The following DKK3 variants were observed in gnomAD, a reference collection of about 807,000 sequenced individuals.
The protein encoded by DKK3 is dickkopf Wnt signaling pathway inhibitor 3, also known as dickkopf-related protein 3.
A neutral mutation model predicts 33.2 loss-of-function variants in DKK3; 22 were observed. The observed-to-expected ratio is 0.66, with a 90% confidence interval of 0.47 to 0.95. The LOEUF (loss-of-function observed/expected upper bound fraction) is 0.95. Among genes scored for constraint, DKK3 ranks in the 40% least tolerant of loss-of-function variants. The pLI, the probability that DKK3 is intolerant of heterozygous loss-of-function variation, is 0.00. For missense variants in DKK3, 398 were observed against 458.4 expected (o/e 0.87, Z 1.20); for synonymous variants, 194 against 188.8 (o/e 1.03, Z -0.23).
chr11:12,000,365 C>T (rs958870338), intron 2 of DKK3, among the ~76,000 whole-genome samples: 1 of 152,124 alleles, frequency 6.6e-6, no homozygotes, highest in South Asian at 2.1e-4. Context: ...TGCCACCATG[C>T]CCAGCTAATT....
At chr11:11,984,087 G>A (rs1268948652) in intron 3 of DKK3, among the ~76,000 whole-genome samples, 2 of 152,154 alleles carry the variant, frequency 1.3e-5, no homozygotes, top group African/African-American at 4.8e-5. Context: ...GTCCCAGTGT[G>A]GACACTGGCC....
At chr11:11,994,397 G>A (rs1053073023) in intron 3 of DKK3, among the ~76,000 whole-genome samples, 5 of 152,056 alleles carry the variant, frequency 3.3e-5, no homozygotes, top group African/African-American at 1.2e-4. Flanking sequence ...ACCGAGGTCT[G>A]CATCTCACCT....
chr11:11,965,562 C>CTCATGAAGCT (rs1847568976), intron 6 of DKK3, among the ~76,000 whole-genome samples: 1 of 152,196 alleles, frequency 6.6e-6, no homozygotes, highest in Non-Finnish European at 1.5e-5. Flanking sequence ...GGACCATCCA[C>CTCATGAAGCT]TCATGAAGCT....
chr11:11,967,148 C>A (rs778448060), intron 4 of DKK3, 50 bp from the exon 5 acceptor site: 11 of 1,593,996 alleles, frequency 6.9e-6, no homozygotes, highest in East Asian at 4.5e-5. Flanking sequence ...GGACTGGGGG[C>A]CTGCTGAGAG....
chr11:12,004,000 G>A (rs968095621), intron 1 of DKK3, among the ~76,000 whole-genome samples: 1 of 152,198 alleles, frequency 6.6e-6, no homozygotes, highest in African/African-American at 2.4e-5. Flanking sequence ...GATGGCTGCT[G>A]AGATGTTTGA....
At chr11:11,991,378 T>C (rs1269062542) in intron 3 of DKK3, among the ~76,000 whole-genome samples, 1 of 152,206 alleles carries the variant, frequency 6.6e-6, no homozygotes, top group Non-Finnish European at 1.5e-5. Context: ...AGATCCCTTA[T>C]GAGTGGCTTG....
intron 3 of DKK3, among the ~76,000 whole-genome samples, chr11:11,992,281 A>G (rs1276230932): frequency 2.6e-5 from 4 of 152,214 alleles, no homozygotes; most frequent in Non-Finnish European, 5.9e-5. Flanking sequence ...CCCATTTTAC[A>G]TATGGGAAAA....
At chr11:11,966,295 G>C (rs765644886) in intron 5 of DKK3, among the ~76,000 whole-genome samples, 1 of 152,174 alleles carries the variant, frequency 6.6e-6, no homozygotes, top group African/African-American at 2.4e-5. Context: ...GAGCTCAGTG[G>C]AAAATGTCAG....
At position 11,964,677 on chromosome 11, in the gene DKK3, C is replaced by T; in HGVS notation, c.840G>A (p.Leu280=). The part of the protein sequence containing the change: ...GLLCQPHSHS[L]VYVCKPTFVG... ...CGAAGGTCGGCTTGCACACATACAC[C>T]AGGCTGTGGCTGGGGAGAGATGGGA... Residue 280 remains leucine (L), a synonymous_variant, in exon 7 of 7, where the codon CTG becomes CTA. Transcript: ENST00000683431. 1 of 1,613,700 alleles carries T rather than the reference C, an allele frequency of 6.2e-7. No homozygotes were observed. The highest frequency in any genetic ancestry group is 8.5e-7 in the Non-Finnish European group (1 of 1,179,904).
chr11:12,006,991 C>T (rs1306472822), intron 1 of DKK3, among the ~76,000 whole-genome samples: 1 of 152,148 alleles, frequency 6.6e-6, no homozygotes, highest in African/African-American at 2.4e-5. Flanking sequence ...ATCCCTTCAC[C>T]CTTTAATTGC....
intron 1 of DKK3, among the ~76,000 whole-genome samples, chr11:12,003,038 C>T (rs1848462085): frequency 6.6e-6 from 1 of 152,236 alleles, no homozygotes; most frequent in African/African-American, 2.4e-5. Context: ...CGTAGTCTCC[C>T]TCTAAGGCCT....
At chr11:11,984,584 C>A (rs190445200) in intron 3 of DKK3, among the ~76,000 whole-genome samples, 24 of 151,706 alleles carry the variant, frequency 1.6e-4, no homozygotes, top group African/African-American at 5.6e-4. Context: ...AGCTGAACAA[C>A]CACTGCTTCA....
At chr11:11,984,426 A>G (rs1848021437) in intron 3 of DKK3, among the ~76,000 whole-genome samples, 1 of 132,694 alleles carries the variant, frequency 7.5e-6, no homozygotes, top group South Asian at 2.9e-4. Flanking sequence ...TGCTATTGGT[A>G]CGAAGTACTG....
chr11:11,974,066 C>T (rs1436021755), intron 3 of DKK3, among the ~76,000 whole-genome samples: 1 of 152,254 alleles, frequency 6.6e-6, no homozygotes, highest in Non-Finnish European at 1.5e-5. Context: ...TGGATGCCTC[C>T]AGGGCCAGGG....
chr11:11,988,051 A>G (rs1848108072), intron 3 of DKK3, among the ~76,000 whole-genome samples: 2 of 152,238 alleles, frequency 1.3e-5, no homozygotes, highest in Admixed American at 1.3e-4. Flanking sequence ...CTTTTCACAG[A>G]GCAGCAACCA....
intron 3 of DKK3, among the ~76,000 whole-genome samples, chr11:11,973,192 T>C (rs1389906245): frequency 6.6e-6 from 1 of 152,208 alleles, no homozygotes; most frequent in Non-Finnish European, 1.5e-5. Context: ...CTAGTCTCCT[T>C]GACATAGTCC....
chr11:11,976,878 C>A (rs1338110736), intron 3 of DKK3, among the ~76,000 whole-genome samples: 1 of 152,178 alleles, frequency 6.6e-6, no homozygotes, highest in Non-Finnish European at 1.5e-5. Context: ...CTGTAAGATG[C>A]ACATTTGTCT....
chr11:11,967,604 C>A (rs7396187), intron 4 of DKK3, among the ~76,000 whole-genome samples: 1 of 152,306 alleles, frequency 6.6e-6, no homozygotes, highest in East Asian at 1.9e-4. Flanking sequence ...GGGTTGGCTG[C>A]GAGGTGCAAC....
intron 3 of DKK3, 170 bp from the exon 4 acceptor site, chr11:11,968,657 C>A: frequency 1.8e-6 from 1 of 550,996 alleles, no homozygotes. Flanking sequence ...CCTGGCTGCA[C>A]TGCCCTTCAG....
Sources: allele counts gnomAD v4.1 joint callset (sites outside exome capture counted in the v4.1 genomes callset), GRCh38; gene constraint gnomAD v4.1.1; transcripts MANE v1.5; gene names NCBI Gene and HGNC (gene_info 2026-07-23, HGNC 2026-07-21).